The following GSK3B variants were observed in gnomAD, a reference collection of about 807,000 sequenced individuals.
GSK3B encodes the protein glycogen synthase kinase 3 beta, also known as glycogen synthase kinase-3 beta.
GSK3B carries 15 observed loss-of-function variants against 56.4 expected under a neutral mutation model. That is an observed-to-expected ratio of 0.27 (90% CI 0.18 to 0.41). The LOEUF is 0.41. Ranked by LOEUF, GSK3B falls within the 10% of genes least tolerant of loss-of-function variation. The pLI, the probability that GSK3B is intolerant of heterozygous loss-of-function variation, is 1.00. For missense variants in GSK3B, 300 were observed against 513.4 expected (o/e 0.58, Z 4.02); for synonymous variants, 181 against 188.9 (o/e 0.96, Z 0.34).
At chr3:120,020,713 A>G (rs1292020199) in intron 1 of GSK3B, among the ~76,000 whole-genome samples, 4 of 152,214 alleles carry the variant, frequency 2.6e-5, no homozygotes, top group African/African-American at 9.7e-5. Flanking sequence ...AGAGTCACCT[A>G]TCTCTCACTT....
At chr3:119,999,764 G>A (rs1437381404) in intron 2 of GSK3B, among the ~76,000 whole-genome samples, 1 of 152,222 alleles carries the variant, frequency 6.6e-6, no homozygotes, top group Non-Finnish European at 1.5e-5. Context: ...GACAGCAGGA[G>A]AATGGGAGTG....
chr3:119,901,316 A>T (rs919735649), intron 7 of GSK3B, among the ~76,000 whole-genome samples: 1 of 152,154 alleles, frequency 6.6e-6, no homozygotes, highest in Admixed American at 6.5e-5. Flanking sequence ...CATTTTTGAT[A>T]TGTAGAGGTC....
chr3:120,090,530 T>C (rs965967308), intron 1 of GSK3B, among the ~76,000 whole-genome samples: 1 of 152,184 alleles, frequency 6.6e-6, no homozygotes, highest in Non-Finnish European at 1.5e-5. Flanking sequence ...GCCAGTAACA[T>C]CAGAATTTAT....
intron 1 of GSK3B, among the ~76,000 whole-genome samples, chr3:120,078,589 T>C (rs2058386577): frequency 1.3e-5 from 2 of 151,694 alleles, no homozygotes; most frequent in South Asian, 4.2e-4. Context: ...AGTCTTGCTG[T>C]TTCCCAGGCT....
chr3:119,827,809 T>C (rs112316898), intron 10 of GSK3B, among the ~76,000 whole-genome samples: 1,794 of 151,784 alleles, frequency 0.012, 37 homozygotes, highest in African/African-American at 0.038. Context: ...GAGAGAAGGA[T>C]TGTTACCAGA....
intron 2 of GSK3B, among the ~76,000 whole-genome samples, chr3:119,952,604 C>CA (rs780041028): frequency 0.015 from 2,048 of 135,052 alleles, 19 homozygotes; most frequent in Non-Finnish European, 0.024. Context: ...TTGAAGCCAC[C>CA]AAAAAAAAAA....
intron 1 of GSK3B, among the ~76,000 whole-genome samples, chr3:120,055,578 T>A (rs541043249): frequency 6.6e-6 from 1 of 152,252 alleles, no homozygotes; most frequent in Non-Finnish European, 1.5e-5. Context: ...GTTGTAAAAC[T>A]GGGAGTTAGA....
intron 1 of GSK3B, among the ~76,000 whole-genome samples, chr3:120,019,667 C>A (rs533354692): frequency 6.6e-6 from 1 of 152,050 alleles, no homozygotes; most frequent in Non-Finnish European, 1.5e-5. Context: ...TGCTGTATAC[C>A]AATATCAAAA....
chr3:119,965,324 G>A lies in GSK3B; in HGVS notation c.283-17973C>T, dbSNP rs1285314790. 4.7e-5 allele frequency among the ~76,000 whole-genome samples: 7 copies of A among 149,630 alleles called. 1 individual carries two copies. The South Asian group carries it at 6.3e-4, about 13-fold the overall frequency. ...AATGATCCACCTGCCTCAGCCTCCC[G>A]AAGTGCTGAGACTACAGGTGTTAGC... On this transcript the variant is annotated intron_variant, in intron 2 of 10. Coordinates refer to ENST00000264235, the MANE Select transcript of GSK3B (RefSeq NM_001146156.2).
rs1345405296 is a variant in GSK3B, at chr3:119,923,443, G to T, written c.407C>A (p.Pro136Gln). ...VYLNLVLDYV[P>Q]ETVYRVARHY... ...TCTGGCAACTCTGTATACTGTTTCC[G>T]GAACATAGTCCAGCACCAGATTAAG... Residue 136 changes from proline (P) to glutamine (Q), a missense_variant, in exon 4 of 11, where the codon CCG (proline) becomes CAG (glutamine). Physicochemically the swap from Pro to Gln is moderately conservative, Grantham distance 76 (BLOSUM62 -1). Transcript: ENST00000264235. 6.2e-7 allele frequency: 1 copy of T among 1,603,294 alleles called. No homozygotes were observed. Among genetic ancestry groups the T allele is most frequent in the Non-Finnish European group, 8.5e-7 (1 of 1,171,954 alleles).
rs192688898 is a variant in GSK3B, at chr3:119,853,637, G to A, written c.1096+9782C>T. Among the ~76,000 whole-genome samples the A allele has an allele frequency of 5.2e-4, 79 of 152,142 alleles. 1 individual carries two copies. Among genetic ancestry groups the A allele is most frequent in the Admixed American group, 3.3e-3 (50 of 15,276 alleles). Reference sequence around the variant, plus strand: ...AGTTCTCCTTGACGAGGTCCTTCACGTCCCTTGTAAGTTGGATTCCCAGGT... The same window carrying A: ...AGTTCTCCTTGACGAGGTCCTTCACATCCCTTGTAAGTTGGATTCCCAGGT... On this transcript the variant is annotated intron_variant, in intron 9 of 10. Transcript: ENST00000264235.
At chr3:119,951,983 AAT>A (rs2057161506) in intron 2 of GSK3B, among the ~76,000 whole-genome samples, 1 of 152,032 alleles carries the variant, frequency 6.6e-6, no homozygotes, top group South Asian at 2.1e-4. Context: ...AACTTGAAGA[AAT>A]AGAGATTGTC....
intron 7 of GSK3B, among the ~76,000 whole-genome samples, chr3:119,893,842 C>G (rs2056531208): frequency 6.6e-6 from 1 of 150,578 alleles, no homozygotes; most frequent in East Asian, 1.9e-4. Context: ...CAAAGACATT[C>G]TTTTACAGAT....
rs915164744 is a variant in GSK3B, at chr3:119,822,176, CTT to C, written c.*4610_*4611del. On this transcript the variant is annotated 3_prime_UTR_variant, in exon 11 of 11. Transcript: ENST00000264235. ...TAGTAATAATGTTATACAGATTTTGCTTTTCCTTTATATCAAGACAGATTTGC... is the reference window on the plus strand; with the variant it reads ...TAGTAATAATGTTATACAGATTTTGCTTCCTTTATATCAAGACAGATTTGC... 5.3e-6 allele frequency: 1 copy of C among 188,624 alleles called. No homozygotes were observed. Among genetic ancestry groups the C allele is most frequent in the Non-Finnish European group, 1.1e-5 (1 of 90,778 alleles). 11.7% of individuals were successfully genotyped at this position (188,624 alleles called of 1,614,324 possible). A position where few individuals can be genotyped will look rare whatever the true frequency, so the allele number is the denominator to read the frequency against.
intron 9 of GSK3B, among the ~76,000 whole-genome samples, chr3:119,850,740 C>T (rs2055918528): frequency 6.6e-6 from 1 of 152,008 alleles, no homozygotes. Flanking sequence ...AAAGTAACAG[C>T]ACCTGTTAGC....
chr3:119,920,930 C>T (rs1332432076), intron 4 of GSK3B, among the ~76,000 whole-genome samples: 3 of 152,184 alleles, frequency 2.0e-5, no homozygotes, highest in Non-Finnish European at 4.4e-5. Context: ...GAAACAATAA[C>T]CAATCCCGTG....
Position 119,865,466 on chromosome 3 carries a change from ATTTTTTTTT to A in GSK3B, c.910-1870_910-1862del, listed in dbSNP as rs779477802. Among the ~76,000 whole-genome samples the A allele has an allele frequency of 8.5e-3, 290 of 34,044 alleles. 4 individuals are homozygous for A. The highest frequency in any genetic ancestry group is 0.045 in the Middle Eastern group (1 of 22). 22.3% of individuals were successfully genotyped at this position (34,044 alleles called of 152,430 possible). A position where few individuals can be genotyped will look rare whatever the true frequency, so the allele number is the denominator to read the frequency against. ...TATATATATATATATATATATATAT[ATTTTTTTTT>A]TTTTTTTTTTTTTTGAGATGGAGTC... On this transcript the variant is annotated intron_variant, in intron 8 of 10. Coordinates refer to ENST00000264235, the MANE Select transcript of GSK3B (RefSeq NM_001146156.2).
At chr3:120,087,482 A>G (rs935769398) in intron 1 of GSK3B, among the ~76,000 whole-genome samples, 1 of 152,088 alleles carries the variant, frequency 6.6e-6, no homozygotes, top group Non-Finnish European at 1.5e-5. Flanking sequence ...CAGTAAGCCC[A>G]GATCACGCCA....
intron 2 of GSK3B, among the ~76,000 whole-genome samples, chr3:119,976,915 A>G (rs1412412684): frequency 6.6e-6 from 1 of 152,134 alleles, no homozygotes; most frequent in East Asian, 1.9e-4. Context: ...GTAAACTCAA[A>G]AAAAGTGAGA....
Sources: allele counts gnomAD v4.1 joint callset (sites outside exome capture counted in the v4.1 genomes callset), GRCh38; gene constraint gnomAD v4.1.1; transcripts MANE v1.5; gene names NCBI Gene and HGNC (gene_info 2026-07-23, HGNC 2026-07-21).